The following THSD7B variants were observed in gnomAD, a reference collection of about 807,000 sequenced individuals.
THSD7B encodes thrombospondin type 1 domain containing 7B.
In THSD7B, 138 loss-of-function variants were observed where a neutral mutation model predicts 213.6. The observed-to-expected ratio is 0.65, with a 90% CI of 0.56 to 0.74. The LOEUF (loss-of-function observed/expected upper bound fraction) is 0.74, where lower values mean the gene tolerates loss of function less well. Ranked by LOEUF, THSD7B falls within the 30% of genes least tolerant of loss-of-function variation. The pLI, the probability that THSD7B is intolerant of heterozygous loss-of-function variation, is 0.00. For missense variants in THSD7B, 1,931 were observed against 1,991.5 expected (o/e 0.97, Z 0.58); for synonymous variants, 742 against 687.0 (o/e 1.08, Z -1.25).
intron 2 of THSD7B, among the ~76,000 whole-genome samples, chr2:136,992,933 C>T (rs1229048847): frequency 6.6e-6 from 1 of 152,198 alleles, no homozygotes; most frequent in Non-Finnish European, 1.5e-5. Flanking sequence ...CAAAGTTAAA[C>T]ACTAAAAGCT....
Position 137,057,170 on chromosome 2 carries a change from T to C in THSD7B, c.890T>C (p.Ile297Thr), listed in dbSNP as rs772968645. Reference protein sequence around the residue: ...HHHSKSWAIEIGYQTRQVSCT... With the variant: ...HHHSKSWAIETGYQTRQVSCT... Reference sequence around the variant, plus strand: ...CATTCGAAGTCTTGGGCAATAGAGATAGGTTATCAAACCCGGCAGGTTTCG... The same window carrying C: ...CATTCGAAGTCTTGGGCAATAGAGACAGGTTATCAAACCCGGCAGGTTTCG... The change falls in exon 3 of 28, where the codon ATA becomes ACA. Residue 297 changes from isoleucine (I) to threonine (T), a missense_variant. Coordinates refer to ENST00000409968, the MANE Select transcript of THSD7B (RefSeq NM_001316349.2). The C allele has an allele frequency of 3.1e-6, 5 of 1,613,930 alleles. No individual in the cohort carries two copies. Among genetic ancestry groups the C allele is most frequent in the East Asian group, 4.5e-5 (2 of 44,878 alleles).
chr2:136,882,985 C>G (rs1015159874), intron 2 of THSD7B, among the ~76,000 whole-genome samples: 3 of 152,152 alleles, frequency 2.0e-5, no homozygotes, highest in Non-Finnish European at 4.4e-5. Context: ...AATTTATTAA[C>G]TTAAATTATG....
chr2:137,033,628 T>A (rs1051696002), intron 2 of THSD7B, among the ~76,000 whole-genome samples: 1 of 151,934 alleles, frequency 6.6e-6, no homozygotes, highest in African/African-American at 2.4e-5. Flanking sequence ...TTATTTATTT[T>A]TTGAGTCAGA....
chr2:136,766,802 A>G (rs1015016217), intron 1 of THSD7B, among the ~76,000 whole-genome samples: 1 of 152,152 alleles, frequency 6.6e-6, no homozygotes, highest in African/African-American at 2.4e-5. Flanking sequence ...CGCTCTGTTC[A>G]TTGCCAGGGT....
intron 26 of THSD7B, among the ~76,000 whole-genome samples, chr2:137,666,544 C>G (rs180964711): frequency 6.8e-6 from 1 of 147,464 alleles, no homozygotes; most frequent in Non-Finnish European, 1.5e-5. Flanking sequence ...ATTTCCCCCC[C>G]CCATAGAAGC....
chr2:137,490,358 A>T (rs944079788), intron 15 of THSD7B, among the ~76,000 whole-genome samples: 2 of 152,240 alleles, frequency 1.3e-5, no homozygotes, highest in Non-Finnish European at 2.9e-5. Flanking sequence ...ATCTAAAAAA[A>T]TCGATTCCTA....
chr2:137,626,662 C>G (rs973016251), intron 20 of THSD7B, among the ~76,000 whole-genome samples: 1 of 152,134 alleles, frequency 6.6e-6, no homozygotes, highest in Non-Finnish European at 1.5e-5. Flanking sequence ...TTTTCCAAAT[C>G]TTTCCACTCA....
At chr2:136,949,966 G>A (rs997868103) in intron 2 of THSD7B, among the ~76,000 whole-genome samples, 2 of 152,164 alleles carry the variant, frequency 1.3e-5, no homozygotes, top group African/African-American at 4.8e-5. Context: ...ACTGGATAAA[G>A]AAAATGTGGC....
At chr2:137,469,730 G>T (rs1688057102) in intron 15 of THSD7B, among the ~76,000 whole-genome samples, 2 of 152,108 alleles carry the variant, frequency 1.3e-5, no homozygotes, top group African/African-American at 2.4e-5. Context: ...TTCATTGTCT[G>T]GTGGGCAGTG....
At chr2:137,558,733 G>T (rs1010919973) in intron 15 of THSD7B, among the ~76,000 whole-genome samples, 1 of 152,138 alleles carries the variant, frequency 6.6e-6, no homozygotes, top group Non-Finnish European at 1.5e-5. Context: ...GCAGGAGAAA[G>T]AAATAAATGG....
At chr2:137,555,952 G>T (rs917382004) in intron 15 of THSD7B, among the ~76,000 whole-genome samples, 11 of 152,158 alleles carry the variant, frequency 7.2e-5, no homozygotes, top group African/African-American at 2.4e-4. Context: ...AGTGATTGAA[G>T]ATCAAATGAA....
At chr2:136,929,724 G>A (rs1684597177) in intron 2 of THSD7B, among the ~76,000 whole-genome samples, 1 of 152,150 alleles carries the variant, frequency 6.6e-6, no homozygotes, top group African/African-American at 2.4e-5. Context: ...GTCCACAACT[G>A]CAGACTGCTG....
At chr2:136,828,701 C>T (rs1356067670) in intron 1 of THSD7B, among the ~76,000 whole-genome samples, 1 of 152,210 alleles carries the variant, frequency 6.6e-6, no homozygotes, top group Non-Finnish European at 1.5e-5. Context: ...AGGGCCTTTG[C>T]ACATGCTATA....
At position 137,056,909 on chromosome 2, in the gene THSD7B, C is replaced by A; in HGVS notation, c.629C>A (p.Pro210His). Reference sequence around the variant, plus strand: ...AGAACTCGCGCGGTCATAGCTCCCCCTCTCTTTGGTGGTTTGCAATGTCCA... The same window carrying A: ...AGAACTCGCGCGGTCATAGCTCCCCATCTCTTTGGTGGTTTGCAATGTCCA... Reference protein sequence around the residue: ...QHRTRAVIAPPLFGGLQCPNL... With the variant: ...QHRTRAVIAPHLFGGLQCPNL... Residue 210 changes from proline to histidine, a missense_variant, in exon 3 of 28, where the codon CCT becomes CAT. Pro to His is a moderately conservative substitution (Grantham distance 77, BLOSUM62 -2). Coordinates refer to ENST00000409968, the MANE Select transcript of THSD7B (RefSeq NM_001316349.2). 1 of 1,613,896 alleles carries A rather than the reference C, an allele frequency of 6.2e-7. No homozygotes were observed. Among genetic ancestry groups the A allele is most frequent in the Non-Finnish European group, 8.5e-7 (1 of 1,179,848 alleles).
intron 5 of THSD7B, among the ~76,000 whole-genome samples, chr2:137,126,806 G>A (rs907891809): frequency 1.8e-4 from 28 of 152,246 alleles, no homozygotes; most frequent in Admixed American, 1.3e-3. Flanking sequence ...AGAGATATAT[G>A]ACTCTTCCTT....
intron 15 of THSD7B, among the ~76,000 whole-genome samples, chr2:137,546,395 T>TAATTATATTA (rs1480170788): frequency 3.6e-4 from 12 of 33,282 alleles, no homozygotes; most frequent in African/African-American, 5.8e-4. Context: ...ATTATATATA[T>TAATTATATTA]TATATATATT....
chr2:137,529,200 T>G (rs1680335615), intron 15 of THSD7B, among the ~76,000 whole-genome samples: 1 of 152,004 alleles, frequency 6.6e-6, no homozygotes, highest in Non-Finnish European at 1.5e-5. Flanking sequence ...CACTTTTTCC[T>G]CTGGACTATG....
At chr2:137,164,797 G>A (rs192131835) in intron 6 of THSD7B, among the ~76,000 whole-genome samples, 42 of 152,200 alleles carry the variant, frequency 2.8e-4, no homozygotes, top group Middle Eastern at 3.4e-3. Flanking sequence ...ACCAAACACC[G>A]CATATTCTCA....
chr2:137,643,810 C>G (rs1460554815), intron 21 of THSD7B, among the ~76,000 whole-genome samples: 1 of 152,060 alleles, frequency 6.6e-6, no homozygotes, highest in Non-Finnish European at 1.5e-5. Context: ...GAGGGAGAGA[C>G]AGAGGGACAG....
Sources: gnomAD v4.1 joint callset for allele counts (sites outside exome capture counted in the v4.1 genomes callset) on GRCh38, gnomAD v4.1.1 for gene constraint, MANE v1.5 for transcripts, NCBI Gene and HGNC (gene_info 2026-07-23, HGNC 2026-07-21) for gene names.